FER1L5: variants seen among roughly 807,000 people sequenced by gnomAD.
FER1L5 encodes the protein fer-1 like family member 5.
FER1L5 carries 187 observed loss-of-function variants against 279.9 expected under a neutral mutation model. That is an observed-to-expected ratio of 0.67 (90% CI 0.59 to 0.75). The LOEUF is 0.75. FER1L5 is among the 30% of genes least tolerant of loss of function. The probability of loss-of-function intolerance (pLI) is 0.00; values close to 1 mark genes in which losing one functional copy is unlikely to be tolerated. For missense variants in FER1L5, 2,091 were observed against 2,594.4 expected (o/e 0.81, Z 4.21); for synonymous variants, 921 against 989.7 (o/e 0.93, Z 1.30).
Position 96,695,800 on chromosome 2 carries a change from G to A in FER1L5, c.3953G>A (p.Trp1318Ter). ...LPLVVKVVDN[W>*]AFGQQTVTGQ... ...CTCGTGGTGAAGGTGGTAGACAACT[G>A]GGCCTTCGGCCAGCAGACCGTGACG... The change falls in exon 36 of 53, where the codon TGG (tryptophan) becomes TAG (stop). Residue 1318 changes from tryptophan to a stop codon, truncating the protein, a stop_gained. Transcript: ENST00000624922. LOFTEE classifies it high-confidence loss of function. 6.2e-7 allele frequency: 1 copy of A among 1,612,960 alleles called. No individual in the cohort carries two copies. Among genetic ancestry groups the A allele is most frequent in the Non-Finnish European group, 8.5e-7 (1 of 1,179,460 alleles).
rs184478113 is a variant in FER1L5, at chr2:96,698,106, C to A, written c.4306C>A (p.Leu1436Ile). The change falls in exon 40 of 53, where the codon CTC becomes ATC. Residue 1436 changes from leucine (L) to isoleucine (I), a missense_variant. Transcript: ENST00000624922. This position sits in a 1 kb window ranked among gnomAD's most constrained non-coding sequence, Gnocchi z 5.5. ...GLQDFCQTFK[L>I]YQEQPKLDSP... is the part of the protein sequence containing the mutation. ...GCAGGACTTCTGCCAGACCTTCAAA[C>A]TCTACCAGGAGCAGCCCAAGTTGGA... 33 of 1,587,348 alleles carry A rather than the reference C, an allele frequency of 2.1e-5. 1 individual carries two copies. The highest frequency in any genetic ancestry group is 2.5e-5 in the Non-Finnish European group (29 of 1,167,114).
intron 31 of FER1L5, among the ~76,000 whole-genome samples, chr2:96,692,565 A>G (rs1388278239): frequency 6.6e-6 from 1 of 152,120 alleles, no homozygotes; most frequent in Admixed American, 6.5e-5. Context: ...TGGAAGAGGG[A>G]GGAGCTTGTC....
Position 96,703,044 on chromosome 2 carries a change from G to A in FER1L5, c.5464G>A (p.Asp1822Asn), listed in dbSNP as rs1300681695. 1 of 1,613,566 alleles carries A rather than the reference G, an allele frequency of 6.2e-7. No homozygotes were observed. Among genetic ancestry groups the A allele is most frequent in the South Asian group, 1.1e-5 (1 of 90,974 alleles). ...FPARLIIQVW[D>N]NDIFSPDDFL... is the part of the protein sequence containing the mutation. The stretch of plus-strand genomic sequence containing the variant: ...AGCCCGACTTATCATCCAGGTCTGG[G>A]ACAATGACATCTTCTCCCCCGACGA... The change falls in exon 49 of 53, where the codon GAC becomes AAC. Residue 1822 changes from aspartate to asparagine, a missense_variant. Asp to Asn is a conservative substitution (Grantham distance 23). Transcript: ENST00000624922.
chr2:96,691,487 T>G lies in FER1L5; in HGVS notation c.2950T>G (p.Phe984Val). 6.5e-7 allele frequency: 1 copy of G among 1,549,296 alleles called. No homozygotes were observed. The highest frequency in any genetic ancestry group is 2.4e-5 in the East Asian group (1 of 40,906). ...GEEEGWEYDTFGSKFHLNPQP... is the reference protein window; with the variant it reads ...GEEEGWEYDTVGSKFHLNPQP... Reference sequence around the variant, plus strand: ...GGAGGAGGGCTGGGAGTATGACACCTTCGGCTCCAAGTTCCACCTCAACCC... The same window carrying G: ...GGAGGAGGGCTGGGAGTATGACACCGTCGGCTCCAAGTTCCACCTCAACCC... The change falls in exon 29 of 53, where the codon TTC becomes GTC. Residue 984 changes from phenylalanine (F) to valine (V), a missense_variant. Physicochemically the swap from Phe to Val is conservative, Grantham distance 50 (BLOSUM62 -1). Coordinates refer to ENST00000624922, the MANE Select transcript of FER1L5 (RefSeq NM_001293083.2). This position sits in a 1 kb window ranked among gnomAD's most constrained non-coding sequence, Gnocchi z 6.0.
chr2:96,684,417 G>A lies in FER1L5; in HGVS notation c.1760G>A (p.Cys587Tyr). ...GAGGACGTCAGCTTCCGCATGAACT[G>A]CCTCAACCTCCTCCACTTCACTCGG... Reference protein sequence around the residue: ...NWEDVSFRMNCLNLLHFTRDR... With the variant: ...NWEDVSFRMNYLNLLHFTRDR... Residue 587 changes from cysteine to tyrosine, a missense_variant, in exon 20 of 53, where the codon TGC becomes TAC. By Grantham distance (194) the Cys-to-Tyr change is radical. Coordinates refer to ENST00000624922, the MANE Select transcript of FER1L5 (RefSeq NM_001293083.2). 2 of 1,551,610 alleles carry A rather than the reference G, an allele frequency of 1.3e-6. No individual in the cohort carries two copies. Among genetic ancestry groups the A allele is most frequent in the Non-Finnish European group, 1.7e-6 (2 of 1,146,986 alleles).
intron 9 of FER1L5, among the ~76,000 whole-genome samples, chr2:96,660,106 C>A (rs1369279516): frequency 6.6e-6 from 1 of 152,188 alleles, no homozygotes; most frequent in African/African-American, 2.4e-5. Context: ...CTTTTCCATG[C>A]AGGCTTTCTC....
chr2:96,651,938 T>A lies in FER1L5; in HGVS notation c.551T>A (p.Ile184Asn). The change falls in exon 7 of 53, where the codon ATC (isoleucine) becomes AAC (asparagine). Residue 184 changes from isoleucine (I) to asparagine (N), a missense_variant. Coordinates refer to ENST00000624922, the MANE Select transcript of FER1L5 (RefSeq NM_001293083.2). The part of the protein sequence containing the change: ...FEARQLMGNN[I>N]KPVVKVSIAG... ...GCCCGACAGCTCATGGGCAACAACA[T>A]CAAACCAGTGGTGAAGGTGTCCATC... 6.4e-7 allele frequency: 1 copy of A among 1,551,916 alleles called. No individual in the cohort carries two copies. The highest frequency in any genetic ancestry group is 1.2e-5 in the South Asian group (1 of 84,054).
At chr2:96,669,291 C>T (rs574914413) in intron 17 of FER1L5, among the ~76,000 whole-genome samples, 154 bp downstream of exon 17, 1 of 152,258 alleles carries the variant, frequency 6.6e-6, no homozygotes, top group East Asian at 1.9e-4. Flanking sequence ...CAGCCACGTG[C>T]ATGTGGGACA....
At position 96,655,052 on chromosome 2, in the gene FER1L5, A is replaced by C. The variant is rs139840434; in HGVS notation, c.747+556A>C. On this transcript the variant is annotated intron_variant, in intron 9 of 52. Coordinates refer to ENST00000624922, the MANE Select transcript of FER1L5 (RefSeq NM_001293083.2). ...TCTGGGGGGTGATTGTGAGGATTAA[A>C]GTATATATAACGTTTATGAAAGCTC... Among the ~76,000 whole-genome samples, 39 of 152,294 alleles carry C rather than the reference A, an allele frequency of 2.6e-4. No individual in the cohort carries two copies. In the East Asian group the frequency reaches 5.0e-3, roughly 20 times the overall value.
At chr2:96,703,920 A>T (rs1190461651) in intron 51 of FER1L5, among the ~76,000 whole-genome samples, 1 of 146,512 alleles carries the variant, frequency 6.8e-6, no homozygotes, top group African/African-American at 2.5e-5. Context: ...GGTTCAAGCG[A>T]TTCTCCTGCC....
chr2:96,669,814 A>G (rs993263526), intron 17 of FER1L5, among the ~76,000 whole-genome samples: 3 of 152,200 alleles, frequency 2.0e-5, no homozygotes, highest in Admixed American at 2.0e-4. Flanking sequence ...GAGGCAGGGC[A>G]GGCTCTGATT....
At chr2:96,658,318 CTTT>C (rs954953685) in intron 9 of FER1L5, among the ~76,000 whole-genome samples, 3 of 128,808 alleles carry the variant, frequency 2.3e-5, no homozygotes. Context: ...ACCTGGCCAA[CTTT>C]TTTTTTTTTT....
intron 18 of FER1L5, among the ~76,000 whole-genome samples, chr2:96,670,980 G>A (rs1443819520): frequency 3.3e-5 from 5 of 151,196 alleles, no homozygotes; most frequent in East Asian, 3.9e-4. Flanking sequence ...GGTGGCTTGC[G>A]CCTGTAGTCC....
Position 96,684,361 on chromosome 2 carries a change from C to G in FER1L5, c.1704C>G (p.Thr568=). ...NIYHYVPWYN[T]KPVVAVTSNW... is the part of the protein sequence containing the mutation. ...ACCATTATGTGCCCTGGTACAACAC[C>G]AAGCCTGTCGTGGCCGTGACCTCCA... Residue 568 remains threonine (T), a synonymous_variant, in exon 20 of 53, where the codon ACC becomes ACG. Coordinates refer to ENST00000624922, the MANE Select transcript of FER1L5 (RefSeq NM_001293083.2). 6.4e-7 allele frequency: 1 copy of G among 1,551,678 alleles called. No individual in the cohort carries two copies. The highest frequency in any genetic ancestry group is 8.7e-7 in the Non-Finnish European group (1 of 1,146,980).
intron 51 of FER1L5, among the ~76,000 whole-genome samples, chr2:96,703,837 T>C (rs2077682345): frequency 8.1e-6 from 1 of 123,364 alleles, no homozygotes; most frequent in Non-Finnish European, 1.7e-5. Context: ...TTTTTTGAGA[T>C]AATTGTCTCA....
intron 7 of FER1L5, chr2:96,652,677 G>T (rs1293258220): frequency 6.5e-6 from 1 of 154,742 alleles, no homozygotes; most frequent in African/African-American, 2.4e-5. Context: ...CTGGAGGGGA[G>T]CCTACAGTGT....
In FER1L5 at chr2:96,702,681, GCGGTT is replaced by G; in HGVS notation, c.5339_5343del (p.Arg1780HisfsTer43). The G allele has an allele frequency of 6.2e-7, 1 of 1,612,610 alleles. No individual in the cohort carries two copies. Among genetic ancestry groups the G allele is most frequent in the Non-Finnish European group, 8.5e-7 (1 of 1,179,374 alleles). On this transcript the variant is annotated frameshift_variant, in exon 48 of 53. Coordinates refer to ENST00000624922, the MANE Select transcript of FER1L5 (RefSeq NM_001293083.2). LOFTEE classifies it high-confidence loss of function. The surrounding 1 kb of genome is among the most constrained non-coding windows in gnomAD (Gnocchi z 4.0). ...TGACTGGGGAGGCCGACTTCAACTG[GCGGTT>G]CATCTTTACCATGGACTACCTGGCG... is the stretch of plus-strand genomic sequence containing the variant.
At position 96,686,360 on chromosome 2, in the gene FER1L5, A is replaced by G; in HGVS notation, c.2229+10A>G. On this transcript the variant is annotated intron_variant, in intron 23 of 52. Coordinates refer to ENST00000624922, the MANE Select transcript of FER1L5 (RefSeq NM_001293083.2). Reference sequence around the variant, plus strand: ...GACACTCTTCCTACAGGTGGGAATCAGGGACTCCTCAGGGGAGGACAGGGC... The same window carrying G: ...GACACTCTTCCTACAGGTGGGAATCGGGGACTCCTCAGGGGAGGACAGGGC... 1 of 1,549,308 alleles carries G rather than the reference A, an allele frequency of 6.5e-7. No homozygotes were observed. The highest frequency in any genetic ancestry group is 8.7e-7 in the Non-Finnish European group (1 of 1,145,806).
At chr2:96,660,697 G>A (rs1372534623) in intron 10 of FER1L5, among the ~76,000 whole-genome samples, 1 of 152,186 alleles carries the variant, frequency 6.6e-6, no homozygotes, top group Non-Finnish European at 1.5e-5. Context: ...TGGGATTACA[G>A]GCATGTGCCA....
Sources: allele counts gnomAD v4.1 joint callset (sites outside exome capture counted in the v4.1 genomes callset), GRCh38; gene constraint gnomAD v4.1.1; non-coding constraint Gnocchi (gnomAD v3.1); transcripts MANE v1.5; gene names NCBI Gene and HGNC (gene_info 2026-07-23, HGNC 2026-07-21).